The following UNC79 variants were observed in gnomAD, a reference collection of about 807,000 sequenced individuals.
UNC79 encodes protein unc-79 homolog.
UNC79 carries 37 observed loss-of-function variants against 283.1 expected under a neutral mutation model. The observed-to-expected ratio is 0.13, with a 90% CI of 0.10 to 0.17. The LOEUF is 0.17. UNC79 is among the 10% of genes least tolerant of loss of function. The probability of loss-of-function intolerance (pLI) is 1.00; values close to 1 mark genes in which losing one functional copy is unlikely to be tolerated. For missense variants in UNC79, 2,272 were observed against 3,211.1 expected, an observed-to-expected ratio of 0.71 and a Z score of 7.07; for synonymous variants, 1,107 against 1,200.2, an observed-to-expected ratio of 0.92 and a Z score of 1.61.
At chr14:93,334,806 T>C (rs574973772) in intron 1 of UNC79, 1 of 152,342 alleles carries the variant, frequency 6.6e-6, no homozygotes, top group South Asian at 2.1e-4. Flanking sequence ...TTGGGGTATA[T>C]GTGGTGGGTC....
At chr14:93,598,188 G>A (rs184537852) in intron 24 of UNC79, among the ~76,000 whole-genome samples, 1 of 151,856 alleles carries the variant, frequency 6.6e-6, no homozygotes, top group Non-Finnish European at 1.5e-5. Context: ...ACAGGATCTT[G>A]CTATATTGCC....
exon 37 of UNC79, chr14:93,653,958 C>G (rs1178351486): frequency 6.2e-7 from 1 of 1,614,112 alleles, no homozygotes; most frequent in Admixed American, 1.7e-5. Context: ...TTTTTACGGA[C>G]CTTAGCCTCG....
intron 1 of UNC79, among the ~76,000 whole-genome samples, chr14:93,463,169 A>C (rs1047500964): frequency 6.6e-6 from 1 of 152,100 alleles, no homozygotes; most frequent in South Asian, 2.1e-4. Context: ...TGGGACGCCA[A>C]GGGGAGAGAG....
chr14:93,339,936 A>C lies in UNC79; in HGVS notation c.-351+6413A>C, dbSNP rs118155521. ...TGCCCCCATGGCTCTGACTAGAGTGAACGGGAAGTAATAAGGAGAATGGCC... is the reference window on the plus strand; with the variant it reads ...TGCCCCCATGGCTCTGACTAGAGTGCACGGGAAGTAATAAGGAGAATGGCC... On this transcript the variant is annotated intron_variant, in intron 1 of 49. Coordinates refer to the UNC79 transcript ENST00000256339. Among the ~76,000 whole-genome samples the C allele has an allele frequency of 6.6e-3, 1,000 of 152,338 alleles. 5 individuals carry two copies. The highest frequency in any genetic ancestry group is 0.011 in the Non-Finnish European group (731 of 68,032).
intron 7 of UNC79, among the ~76,000 whole-genome samples, chr14:93,502,667 G>A (rs989270713): frequency 6.6e-6 from 1 of 152,140 alleles, no homozygotes; most frequent in Admixed American, 6.5e-5. Context: ...AGGAACAGCA[G>A]CAGTTATTGT....
At chr14:93,608,512 C>T (rs75683984) in intron 26 of UNC79, among the ~76,000 whole-genome samples, 9,924 of 152,198 alleles carry the variant, frequency 0.065, 472 homozygotes, top group Non-Finnish European at 0.095. Flanking sequence ...TAGCCACTGC[C>T]CCAGCTTTCC....
At chr14:93,698,790 A>G (rs1283503643) in intron 47 of UNC79, among the ~76,000 whole-genome samples, 1 of 152,136 alleles carries the variant, frequency 6.6e-6, no homozygotes. Context: ...TCAGGCTGAA[A>G]AAACTTGGAG....
chr14:93,422,072 C>T (rs886327605), intron 1 of UNC79, among the ~76,000 whole-genome samples: 1 of 151,668 alleles, frequency 6.6e-6, no homozygotes. Context: ...AAGAACACAC[C>T]CATGACACAC....
intron 30 of UNC79, among the ~76,000 whole-genome samples, chr14:93,628,191 C>T (rs2067715328): frequency 6.6e-6 from 1 of 152,142 alleles, no homozygotes; most frequent in Non-Finnish European, 1.5e-5. Flanking sequence ...TCTTTAAATT[C>T]CTGCAAAGCC....
intron 47 of UNC79, among the ~76,000 whole-genome samples, chr14:93,700,073 G>GTTT (rs35612423): frequency 7.1e-6 from 1 of 140,772 alleles, no homozygotes; most frequent in African/African-American, 2.6e-5. Flanking sequence ...GGTTTCGGAG[G>GTTT]TTTTTTTTTT....
chr14:93,452,248 T>C (rs952294460), intron 1 of UNC79, among the ~76,000 whole-genome samples: 8 of 152,236 alleles, frequency 5.3e-5, no homozygotes, highest in African/African-American at 1.9e-4. Flanking sequence ...CACTTTCTTA[T>C]ATGCTGCATG....
intron 7 of UNC79, among the ~76,000 whole-genome samples, chr14:93,498,489 G>A (rs1473261352): frequency 2.0e-5 from 3 of 151,854 alleles, no homozygotes; most frequent in Admixed American, 6.6e-5. Flanking sequence ...TGCTTGGGAG[G>A]CTGAGGCAGG....
intron 1 of UNC79, among the ~76,000 whole-genome samples, chr14:93,365,384 C>A (rs200585065): frequency 8.6e-3 from 931 of 108,098 alleles, no homozygotes; most frequent in South Asian, 0.011. Context: ...TACTCCATCT[C>A]AAAAAAAAAA....
In UNC79 at chr14:93,371,139, C is replaced by T. The variant is rs1281466284; in HGVS notation, c.-351+37616C>T. Among the ~76,000 whole-genome samples, 4 of 152,076 alleles carry T rather than the reference C, an allele frequency of 2.6e-5. No homozygotes were observed. The East Asian group carries it at 5.8e-4, about 22-fold the overall frequency. ...GGCTCACCCCTGTACCCTGTAATCC[C>T]AGCACTTTGTGAGTCTGAGGTGGGC... On this transcript the variant is annotated intron_variant, in intron 1 of 49. Transcript: ENST00000256339.
At chr14:93,584,819 C>T (rs979421345) in intron 20 of UNC79, among the ~76,000 whole-genome samples, 3 of 151,720 alleles carry the variant, frequency 2.0e-5, no homozygotes, top group Admixed American at 2.0e-4. Flanking sequence ...TTCTTAGCTT[C>T]CTGACTAGCT....
chr14:93,467,838 T>C, intron 2 of UNC79, 47 bp downstream of exon 2: 1 of 1,457,552 alleles, frequency 6.9e-7, no homozygotes, highest in Non-Finnish European at 9.0e-7. Flanking sequence ...TTAGGTAGTA[T>C]TGCTGAATTT....
chr14:93,481,020 C>A (rs1595582802), intron 4 of UNC79, among the ~76,000 whole-genome samples: 2 of 152,078 alleles, frequency 1.3e-5, no homozygotes, highest in Non-Finnish European at 2.9e-5. Context: ...TGAAGTGGAC[C>A]TAATGAGGTA....
In UNC79 at chr14:93,430,917, G is replaced by A; in HGVS notation, c.-113G>A. On this transcript the variant is annotated 5_prime_UTR_variant, in exon 1 of 49. Coordinates refer to ENST00000555664, the Ensembl canonical transcript of UNC79. This position sits in a 1 kb window ranked among gnomAD's most constrained non-coding sequence, Gnocchi z 4.6. ...CACGGGCCTAAGGGAGGGGGAAAGC[G>A]AGGGGGTGGGGGGTGGGGGGTATGC... 2.2e-6 allele frequency: 1 copy of A among 455,552 alleles called. No homozygotes were observed. The highest frequency in any genetic ancestry group is 4.3e-6 in the Non-Finnish European group (1 of 233,180). 28.2% of individuals were successfully genotyped at this position (455,552 alleles called of 1,614,324 possible).
At chr14:93,462,211 C>G (rs990474313) in intron 1 of UNC79, among the ~76,000 whole-genome samples, 1 of 152,150 alleles carries the variant, frequency 6.6e-6, no homozygotes. Flanking sequence ...AGGGCTCAGG[C>G]AGGAGAATCA....
Sources: allele counts gnomAD v4.1 joint callset (sites outside exome capture counted in the v4.1 genomes callset), GRCh38; gene constraint gnomAD v4.1.1; non-coding constraint Gnocchi (gnomAD v3.1); transcripts MANE v1.5; gene names NCBI Gene and HGNC (gene_info 2026-07-23, HGNC 2026-07-21).